INSC: variants seen among roughly 807,000 people sequenced by gnomAD.
INSC encodes protein inscuteable homolog.
A neutral mutation model predicts 58.6 loss-of-function variants in INSC; 67 were observed. That is an observed-to-expected ratio of 1.14 (90% confidence interval 0.94 to 1.40). The LOEUF is 1.40. Ranked by LOEUF, INSC falls within the 40% of genes most tolerant of loss-of-function variation. The pLI is 0.00. For synonymous variants in INSC, 262 were observed against 276.1 expected (o/e 0.95, Z 0.51); for missense variants, 714 against 692.0 (o/e 1.03, Z -0.36).
At chr11:15,138,315 C>T (rs1848293937) in intron 1 of INSC, among the ~76,000 whole-genome samples, 1 of 152,172 alleles carries the variant, frequency 6.6e-6, no homozygotes, top group Non-Finnish European at 1.5e-5. Flanking sequence ...GCACATACTA[C>T]TGGAAAATTG....
chr11:15,121,603 A>G (rs1367868154), intron 1 of INSC, among the ~76,000 whole-genome samples: 1 of 152,188 alleles, frequency 6.6e-6, no homozygotes, highest in African/African-American at 2.4e-5. Context: ...TTAATAAGTA[A>G]TTTGTAGTGA....
intron 1 of INSC, among the ~76,000 whole-genome samples, chr11:15,147,808 T>C (rs890068731): frequency 6.6e-6 from 1 of 152,240 alleles, no homozygotes; most frequent in Admixed American, 6.5e-5. Context: ...CTGACCATTT[T>C]CTTCTTTCTT....
intron 5 of INSC, among the ~76,000 whole-genome samples, chr11:15,189,702 C>G (rs1850095556): frequency 6.6e-6 from 1 of 152,212 alleles, no homozygotes; most frequent in Admixed American, 6.5e-5. Flanking sequence ...AGTGGCTGCT[C>G]AGAGCACCCA....
downstream of INSC, among the ~76,000 whole-genome samples, chr11:15,250,874 C>T (rs769930088): frequency 6.6e-6 from 1 of 152,208 alleles, no homozygotes; most frequent in Admixed American, 6.5e-5. Flanking sequence ...AATGGCAGAG[C>T]AAGGGCTCCC....
chr11:15,115,249 GC>G (rs1847664216), intron 1 of INSC, among the ~76,000 whole-genome samples: 1 of 152,182 alleles, frequency 6.6e-6, no homozygotes, highest in Non-Finnish European at 1.5e-5. Flanking sequence ...GTGTGTGGTG[GC>G]CTGGAGTGGG....
chr11:15,150,213 G>T (rs756064134), intron 2 of INSC, among the ~76,000 whole-genome samples: 1 of 152,106 alleles, frequency 6.6e-6, no homozygotes, highest in Non-Finnish European at 1.5e-5. Flanking sequence ...TATGTACTAG[G>T]GGCTTATGCA....
At chr11:15,206,547 G>A (rs138674394) in intron 7 of INSC, among the ~76,000 whole-genome samples, 3 of 152,290 alleles carry the variant, frequency 2.0e-5, no homozygotes, top group African/African-American at 7.2e-5. Flanking sequence ...GGGCCAAGGA[G>A]GGAGTAAGGG....
At chr11:15,115,567 G>A (rs73412778) in intron 1 of INSC, among the ~76,000 whole-genome samples, 4,258 of 152,294 alleles carry the variant, frequency 0.028, 173 homozygotes, top group African/African-American at 0.091. Flanking sequence ...ACACTGGAGT[G>A]AATGTGGCTC....
chr11:15,221,043 C>G (rs1851416829), intron 7 of INSC, among the ~76,000 whole-genome samples: 2 of 152,204 alleles, frequency 1.3e-5, no homozygotes, highest in East Asian at 1.9e-4. Flanking sequence ...CCACAACACC[C>G]TGTTGAACGG....
At chr11:15,121,635 ACCTGTT>A in intron 1 of INSC, among the ~76,000 whole-genome samples, 1 of 152,230 alleles carries the variant, frequency 6.6e-6, no homozygotes, top group South Asian at 2.1e-4. Flanking sequence ...ACTGTGTATA[ACCTGTT>A]CCTTATCAAA....
At chr11:15,135,883 T>C (rs1368982933) in intron 1 of INSC, among the ~76,000 whole-genome samples, 1 of 152,194 alleles carries the variant, frequency 6.6e-6, no homozygotes, top group Non-Finnish European at 1.5e-5. Context: ...GGGTTTGGTA[T>C]CTAATGAAGC....
intron 2 of INSC, among the ~76,000 whole-genome samples, chr11:15,167,673 G>A (rs1038562916): frequency 4.0e-5 from 6 of 151,792 alleles, no homozygotes; most frequent in African/African-American, 1.5e-4. Context: ...TGTAGAGATG[G>A]GGGTATCGCT....
chr11:15,253,419 G>T, the INSC span, among the ~76,000 whole-genome samples: 4 of 152,104 alleles, frequency 2.6e-5, no homozygotes, highest in Admixed American at 2.6e-4. Context: ...GCCCTCGGAC[G>T]ACCCACAGCT....
chr11:15,203,743 T>C (rs1210937648), intron 7 of INSC, among the ~76,000 whole-genome samples: 1 of 152,102 alleles, frequency 6.6e-6, no homozygotes, highest in Non-Finnish European at 1.5e-5. Context: ...TACATTCTAG[T>C]CTAGAAGGTA....
At chr11:15,203,821 A>AT (rs11306162) in intron 7 of INSC, among the ~76,000 whole-genome samples, 11,311 of 149,730 alleles carry the variant, frequency 0.076, 662 homozygotes, top group African/African-American at 0.15. Flanking sequence ...GCTAAGAATG[A>AT]TTTTTTTTTT....
chr11:15,133,631 A>T (rs540948106), intron 1 of INSC, among the ~76,000 whole-genome samples: 4 of 152,330 alleles, frequency 2.6e-5, no homozygotes, highest in African/African-American at 9.6e-5. Flanking sequence ...CCTAGGCTTT[A>T]TCACATGTCT....
chr11:15,112,279 G>T, upstream of INSC: 1 of 481,024 alleles, frequency 2.1e-6, no homozygotes, highest in Non-Finnish European at 3.7e-6. Context: ...GAGGGGAGGG[G>T]GTCGAGGGGG....
chr11:15,112,529 A>C, upstream of INSC: 2 of 1,604,238 alleles, frequency 1.2e-6, no homozygotes, highest in Non-Finnish European at 1.7e-6. Flanking sequence ...GCTGGGGTCT[A>C]TGGGGAGTCC....
chr11:15,221,298 G>A (rs1001740600), intron 7 of INSC, among the ~76,000 whole-genome samples, 179 bp from the exon 8 acceptor site: 36 of 152,142 alleles, frequency 2.4e-4, no homozygotes, highest in African/African-American at 7.7e-4. Flanking sequence ...CAGAATTTGA[G>A]TCATTATGAG....
Sources: gnomAD v4.1 joint callset for allele counts (sites outside exome capture counted in the v4.1 genomes callset) on GRCh38, gnomAD v4.1.1 for gene constraint, MANE v1.5 for transcripts, NCBI Gene and HGNC (gene_info 2026-07-23, HGNC 2026-07-21) for gene names.